Variants in TRPM7 observed in about 807,000 individuals in gnomAD.
TRPM7 encodes LTRPC ion channel family member 7.
TRPM7 carries 134 observed loss-of-function variants against 229.7 expected under a neutral mutation model. The ratio of observed to expected loss-of-function variants is 0.58; its 90% CI spans 0.51 to 0.67. The LOEUF (loss-of-function observed/expected upper bound fraction) is 0.67, where lower values mean the gene tolerates loss of function less well. Among genes scored for constraint, TRPM7 ranks in the 30% least tolerant of loss-of-function variants. The pLI, the probability that TRPM7 is intolerant of heterozygous loss-of-function variation, is 0.00. For synonymous variants in TRPM7, 699 were observed against 715.2 expected, an observed-to-expected ratio of 0.98 and a Z score of 0.36; for missense variants, 1,901 against 2,210.0, an observed-to-expected ratio of 0.86 and a Z score of 2.80.
chr15:50,686,047 G>C (rs1168547178), intron 1 of TRPM7, among the ~76,000 whole-genome samples: 3 of 152,196 alleles, frequency 2.0e-5, no homozygotes, highest in African/African-American at 7.2e-5. Flanking sequence ...CTCCAAACCC[G>C]TGTCCTCTAC....
chr15:50,685,848 T>C (rs894998511), intron 1 of TRPM7, among the ~76,000 whole-genome samples: 1 of 152,156 alleles, frequency 6.6e-6, no homozygotes, highest in African/African-American at 2.4e-5. Context: ...AGGGATGCGG[T>C]AGTTCGACTT....
intron 25 of TRPM7, among the ~76,000 whole-genome samples, chr15:50,592,938 G>A (rs1034964611): frequency 4.6e-5 from 7 of 152,110 alleles, no homozygotes; most frequent in African/African-American, 1.7e-4. Flanking sequence ...TACCATTACT[G>A]TTACTGTAAC....
chr15:50,623,807 A>G (rs568638333), intron 12 of TRPM7, among the ~76,000 whole-genome samples: 18 of 152,170 alleles, frequency 1.2e-4, no homozygotes, highest in African/African-American at 4.3e-4. Flanking sequence ...GAAAAAAAAA[A>G]AGAGAAAAAA....
Position 50,650,706 on chromosome 15 carries a change from A to C in TRPM7, c.123-1821T>G, listed in dbSNP as rs192048755. Among the ~76,000 whole-genome samples the C allele has an allele frequency of 1.9e-3, 287 of 151,876 alleles. 1 individual carries two copies. Among genetic ancestry groups the C allele is most frequent in the African/African-American group, 6.4e-3 (263 of 41,372 alleles). ...CAAGACTGGGTCTCAAAAAAAACAA[A>C]AAAAAACAAAAAAATCAGACCTAGA... is the stretch of plus-strand genomic sequence containing the variant. On this transcript the variant is annotated intron_variant, in intron 3 of 38. Coordinates refer to ENST00000646667, the MANE Select transcript of TRPM7 (RefSeq NM_017672.6).
chr15:50,601,953 TTC>T (rs2059791621), intron 21 of TRPM7, among the ~76,000 whole-genome samples: 1 of 150,784 alleles, frequency 6.6e-6, no homozygotes, highest in African/African-American at 2.4e-5. Context: ...CCCACATATT[TTC>T]TTTTTTTTTT....
intron 1 of TRPM7, among the ~76,000 whole-genome samples, chr15:50,668,944 G>A (rs1487783116): frequency 2.6e-5 from 4 of 152,194 alleles, no homozygotes; most frequent in Non-Finnish European, 5.9e-5. Flanking sequence ...TTGACTTGTA[G>A]AGCCAATTAA....
intron 20 of TRPM7, among the ~76,000 whole-genome samples, chr15:50,605,993 A>C (rs1217884619): frequency 3.9e-5 from 6 of 152,336 alleles, no homozygotes; most frequent in Admixed American, 2.0e-4. Context: ...GAGAAGTACA[A>C]CACCTTCTAA....
At chr15:50,647,143 C>CT (rs1177604646) in intron 4 of TRPM7, among the ~76,000 whole-genome samples, 2 of 151,978 alleles carry the variant, frequency 1.3e-5, no homozygotes, top group African/African-American at 2.4e-5. Flanking sequence ...TATTCTTTTT[C>CT]TTTTTTTGAG....
intron 31 of TRPM7, among the ~76,000 whole-genome samples, chr15:50,577,991 G>T (rs997559144): frequency 6.6e-6 from 1 of 152,068 alleles, no homozygotes; most frequent in East Asian, 1.9e-4. Flanking sequence ...CATTTATATA[G>T]CCAATATGCA....
intron 3 of TRPM7, among the ~76,000 whole-genome samples, chr15:50,650,871 A>ACTATTGTCAGCATGG (rs2061403789): frequency 1.3e-5 from 2 of 152,148 alleles, no homozygotes; most frequent in Non-Finnish European, 2.9e-5. Flanking sequence ...CATAAAATTC[A>ACTATTGTCAGCATGG]CTATTGTCAG....
At chr15:50,658,819 GA>G (rs2061653532) in intron 2 of TRPM7, among the ~76,000 whole-genome samples, 1 of 152,124 alleles carries the variant, frequency 6.6e-6, no homozygotes, top group Admixed American at 6.6e-5. Context: ...ACAGCCAAAA[GA>G]AAGTGAAAAT....
chr15:50,652,134 A>G (rs1353650415), intron 3 of TRPM7, among the ~76,000 whole-genome samples: 2 of 151,390 alleles, frequency 1.3e-5, no homozygotes, highest in African/African-American at 2.4e-5. Flanking sequence ...GGAGTTCGAG[A>G]CCAGCCTGGC....
chr15:50,604,864 AC>A lies in TRPM7; in HGVS notation c.2988+1del. 6.4e-7 allele frequency: 1 copy of A among 1,559,404 alleles called. No individual in the cohort carries two copies. The highest frequency in any genetic ancestry group is 8.7e-7 in the Non-Finnish European group (1 of 1,153,296). On this transcript the variant is annotated splice_donor_variant, in intron 21 of 38. Coordinates refer to ENST00000646667, the MANE Select transcript of TRPM7 (RefSeq NM_017672.6). LOFTEE classifies it high-confidence loss of function. The stretch of plus-strand genomic sequence containing the variant: ...AGTATTATCAAACATCTGTCAACTT[AC>A]CATTTTTCCAATCATCATTACATAA...
chr15:50,678,948 A>G (rs1306293430), intron 1 of TRPM7, among the ~76,000 whole-genome samples: 1 of 152,192 alleles, frequency 6.6e-6, no homozygotes, highest in African/African-American at 2.4e-5. Context: ...ATCTCAGCTC[A>G]CTGCAACCTC....
At chr15:50,679,298 G>A (rs1234528347) in intron 1 of TRPM7, among the ~76,000 whole-genome samples, 4 of 149,448 alleles carry the variant, frequency 2.7e-5, no homozygotes, top group Non-Finnish European at 4.4e-5. Flanking sequence ...TGATGTCACT[G>A]CACTCTGACA....
chr15:50,624,450 A>G, intron 11 of TRPM7, 150 bp from the exon 12 acceptor site: 1 of 620,188 alleles, frequency 1.6e-6, no homozygotes, highest in South Asian at 3.6e-5. Flanking sequence ...AAAGCTAATA[A>G]GACTTTAGGT....
chr15:50,616,288 A>G (rs530530998), intron 13 of TRPM7, among the ~76,000 whole-genome samples: 21 of 152,208 alleles, frequency 1.4e-4, no homozygotes, highest in Non-Finnish European at 2.8e-4. Flanking sequence ...CACTTATAGA[A>G]ATAAAAAAAA....
intron 23 of TRPM7, among the ~76,000 whole-genome samples, chr15:50,595,242 T>C (rs1179336311): frequency 6.8e-6 from 1 of 147,810 alleles, no homozygotes; most frequent in Non-Finnish European, 1.5e-5. Context: ...TGGCAACCAT[T>C]AAAAAAAAAA....
rs779077263 is a variant in TRPM7 at position 50,612,668 on chromosome 15, A to G, written c.1932T>C (p.His644=). 6.2e-7 allele frequency: 1 copy of G among 1,614,130 alleles called. No individual in the cohort carries two copies. Among genetic ancestry groups the G allele is most frequent in the East Asian group, 2.2e-5 (1 of 44,870 alleles). The change falls in exon 16 of 39, where the codon CAT becomes CAC. Residue 644 remains histidine, a synonymous_variant. Coordinates refer to ENST00000646667, the MANE Select transcript of TRPM7 (RefSeq NM_017672.6). ...ATGCTTTAGCCATTGATTCTTCACC[A>G]TGTTGCCATAAAAAACGGGCCATGA... The part of the protein sequence containing the change: ...RQVMARFLWQ[H]GEESMAKALV...
Sources: gnomAD v4.1 joint callset for allele counts (sites outside exome capture counted in the v4.1 genomes callset) on GRCh38, gnomAD v4.1.1 for gene constraint, MANE v1.5 for transcripts, NCBI Gene and HGNC (gene_info 2026-07-23, HGNC 2026-07-21) for gene names.